Variants in NAV2 observed in about 807,000 individuals in gnomAD.
The protein encoded by NAV2 is helicase, APC down-regulated 1.
In NAV2, 54 loss-of-function variants were observed where a neutral mutation model predicts 223.2. That is an observed-to-expected ratio of 0.24 (90% CI 0.19 to 0.30). NAV2 has a LOEUF of 0.30. Ranked by LOEUF, NAV2 falls within the 10% of genes least tolerant of loss-of-function variation. The pLI, the probability that NAV2 is intolerant of heterozygous loss-of-function variation, is 1.00. For missense variants in NAV2, 2,806 were observed against 3,147.5 expected (o/e 0.89, Z 2.60); for synonymous variants, 1,279 against 1,239.3 (o/e 1.03, Z -0.67).
rs188020852 is a variant in NAV2, at chr11:19,895,899, C to T, written c.931+3305C>T. On this transcript the variant is annotated intron_variant, in intron 6 of 37. Transcript: ENST00000349880. ...GAGTGAAATAACCACCCGGGTAAGACACAACAGGTACCTGGATGAGGTCAC... is the reference window on the plus strand; with the variant it reads ...GAGTGAAATAACCACCCGGGTAAGATACAACAGGTACCTGGATGAGGTCAC... Among the ~76,000 whole-genome samples, 20 of 152,142 alleles carry T rather than the reference C, an allele frequency of 1.3e-4. No homozygotes were observed. In the East Asian group the frequency reaches 3.9e-3, roughly 29 times the overall value.
At chr11:19,982,156 C>T (rs902665689) in intron 10 of NAV2, among the ~76,000 whole-genome samples, 4 of 152,050 alleles carry the variant, frequency 2.6e-5, no homozygotes, top group African/African-American at 9.7e-5. Context: ...TTAACTATAG[C>T]TGTAATCATT....
At chr11:19,728,263 G>C (rs1211618592) in intron 1 of NAV2, among the ~76,000 whole-genome samples, 1 of 152,156 alleles carries the variant, frequency 6.6e-6, no homozygotes, top group Admixed American at 6.5e-5. Context: ...TCTCTTTCTA[G>C]ACCCTCATTT....
chr11:19,701,641 A>G (rs2049513680), intron 1 of NAV2, among the ~76,000 whole-genome samples: 2 of 152,256 alleles, frequency 1.3e-5, no homozygotes, highest in Admixed American at 1.3e-4. Flanking sequence ...ATGTGTGTGA[A>G]TGTCTAAAAT....
chr11:19,645,745 C>A (rs2047798022), intron 1 of NAV2, among the ~76,000 whole-genome samples: 2 of 151,866 alleles, frequency 1.3e-5, no homozygotes, highest in South Asian at 4.1e-4. Context: ...GCGTTTTTTG[C>A]CATTACTTTT....
chr11:20,016,822 C>G (rs923779292), intron 11 of NAV2, among the ~76,000 whole-genome samples: 6 of 126,748 alleles, frequency 4.7e-5, no homozygotes, highest in Non-Finnish European at 3.3e-5. Flanking sequence ...ATGGCAAAAC[C>G]CTGTCTACTA....
intron 1 of NAV2, among the ~76,000 whole-genome samples, chr11:19,617,450 CTGCT>C: frequency 6.6e-6 from 1 of 152,310 alleles, no homozygotes; most frequent in East Asian, 1.9e-4. Context: ...GGATAACAGG[CTGCT>C]TGCTGCTCTG....
chr11:19,473,000 T>C (rs2632038), intron 1 of NAV2, among the ~76,000 whole-genome samples: 145,196 of 152,258 alleles, frequency 0.95, 69,627 homozygotes, highest in East Asian at 1. Context: ...AGACAGAGGA[T>C]CCATGGGAAC....
chr11:19,415,208 A>G (rs1302657374), intron 1 of NAV2, among the ~76,000 whole-genome samples: 3 of 152,218 alleles, frequency 2.0e-5, no homozygotes, highest in Non-Finnish European at 2.9e-5. Flanking sequence ...CCAGACTAAT[A>G]AAAAAGAAAA....
rs139361741 is a variant in NAV2 at position 19,379,769 on chromosome 11, G to A, written c.75+28742G>A. The stretch of plus-strand genomic sequence containing the variant: ...CTTGGCATTCCTCTGAGACTTCCTC[G>A]CATTCTCCTTTTTTTCTGTTTTGCT... On this transcript the variant is annotated intron_variant, in intron 1 of 37. Coordinates refer to the NAV2 transcript ENST00000360655. 2.0e-4 allele frequency among the ~76,000 whole-genome samples: 31 copies of A among 152,132 alleles called. No homozygotes were observed. The East Asian group carries it at 4.1e-3, about 20-fold the overall frequency.
chr11:19,411,961 G>A (rs1850164451), intron 1 of NAV2, among the ~76,000 whole-genome samples: 4 of 152,146 alleles, frequency 2.6e-5, no homozygotes, highest in Admixed American at 2.6e-4. Flanking sequence ...TCTGCCCAAG[G>A]TCACACAGCT....
intron 1 of NAV2, among the ~76,000 whole-genome samples, chr11:19,782,669 GGC>G (rs1491054652): frequency 1.8e-3 from 280 of 152,216 alleles, no homozygotes; most frequent in South Asian, 6.9e-3. Context: ...CAGAGATCTG[GGC>G]TGGGTGACCC....
At chr11:19,922,592 G>A (rs2044372581) in intron 6 of NAV2, among the ~76,000 whole-genome samples, 1 of 152,102 alleles carries the variant, frequency 6.6e-6, no homozygotes, top group African/African-American at 2.4e-5. Context: ...TGTAAGTTTG[G>A]GGTAGAGCCA....
At chr11:19,394,961 G>A (rs1274109355) in intron 1 of NAV2, among the ~76,000 whole-genome samples, 1 of 152,234 alleles carries the variant, frequency 6.6e-6, no homozygotes, top group Non-Finnish European at 1.5e-5. Flanking sequence ...CCAAAATGCA[G>A]GAAGTCACTG....
At chr11:19,549,536 C>A (rs536616056) in intron 1 of NAV2, among the ~76,000 whole-genome samples, 1 of 152,298 alleles carries the variant, frequency 6.6e-6, no homozygotes, top group African/African-American at 2.4e-5. Flanking sequence ...GGAAGGAGGG[C>A]AGGTACCGTG....
chr11:19,686,489 G>T (rs2049029213), intron 1 of NAV2, among the ~76,000 whole-genome samples: 5 of 152,186 alleles, frequency 3.3e-5, no homozygotes, highest in Admixed American at 3.3e-4. Flanking sequence ...CAGGTCATAG[G>T]GGTTGCCTGT....
At chr11:19,911,739 G>T (rs891309019) in intron 6 of NAV2, among the ~76,000 whole-genome samples, 16 of 152,132 alleles carry the variant, frequency 1.1e-4, no homozygotes, top group Admixed American at 9.8e-4. Context: ...ATTTCTTGGT[G>T]GGGGACAGAG....
At chr11:19,728,626 A>C (rs558350378) in intron 1 of NAV2, among the ~76,000 whole-genome samples, 7 of 152,324 alleles carry the variant, frequency 4.6e-5, no homozygotes, top group African/African-American at 1.7e-4. Flanking sequence ...CAGGCACCAT[A>C]GCAATGACCT....
intron 1 of NAV2, among the ~76,000 whole-genome samples, chr11:19,675,121 TTA>T (rs1348863014): frequency 6.6e-6 from 1 of 152,178 alleles, no homozygotes; most frequent in Non-Finnish European, 1.5e-5. Context: ...TCCAGGATCC[TTA>T]GCATGGTAAA....
chr11:19,347,559 T>C (rs886995673), upstream of NAV2, among the ~76,000 whole-genome samples: 2 of 151,916 alleles, frequency 1.3e-5, no homozygotes, highest in African/African-American at 4.8e-5. Flanking sequence ...TCAGTAAGAG[T>C]GGGCTTGTCT....
Sources: gnomAD v4.1 joint callset for allele counts (sites outside exome capture counted in the v4.1 genomes callset) on GRCh38, gnomAD v4.1.1 for gene constraint, MANE v1.5 for transcripts, NCBI Gene and HGNC (gene_info 2026-07-23, HGNC 2026-07-21) for gene names.